The following NBEA variants were observed in gnomAD, a reference collection of about 807,000 sequenced individuals.
NBEA encodes the protein lysosomal-trafficking regulator 2.
Under a neutral mutation model 343.4 loss-of-function variants are expected in NBEA, and 44 were observed. The observed-to-expected ratio is 0.13, with a 90% CI of 0.10 to 0.16. The LOEUF is 0.16. Among genes scored for constraint, NBEA ranks in the 10% least tolerant of loss-of-function variants. The pLI is 1.00. For synonymous variants in NBEA, 1,175 were observed against 1,238.7 expected, an observed-to-expected ratio of 0.95 and a Z score of 1.08; for missense variants, 2,555 against 3,631.3, an observed-to-expected ratio of 0.70 and a Z score of 7.62.
At chr13:35,139,057 CTTTT>C (rs36053692) in intron 17 of NBEA, among the ~76,000 whole-genome samples, 1 of 97,886 alleles carries the variant, frequency 1.0e-5, no homozygotes, top group Non-Finnish European at 1.8e-5. Flanking sequence ...CAAGAAATAT[CTTTT>C]TTTTTTTTTT....
rs1170584559 is a variant in NBEA, at chr13:35,153,036, C to CTTT, written c.2446-2721_2446-2719dup. 2.8e-4 allele frequency among the ~76,000 whole-genome samples: 34 copies of CTTT among 123,330 alleles called. 1 individual carries two copies. Among genetic ancestry groups the CTTT allele is most frequent in the African/African-American group, 6.5e-4 (22 of 33,770 alleles). The allele number at this position is 123,330 out of a possible 152,430, so 80.9% of individuals were successfully genotyped here. The stretch of plus-strand genomic sequence containing the variant: ...CTCCCTTTTTAAACTTACATAGGTT[C>CTTT]TTTTTTTTTTTTTTTTTTTGAGACA... On this transcript the variant is annotated intron_variant, in intron 18 of 58. Coordinates refer to ENST00000379939, the MANE Select transcript of NBEA (RefSeq NM_001385012.1).
chr13:34,981,952 C>T (rs1258949968), intron 1 of NBEA, among the ~76,000 whole-genome samples: 2 of 150,108 alleles, frequency 1.3e-5, no homozygotes, highest in African/African-American at 4.9e-5. Context: ...TATGTTCTCT[C>T]TTCTCTCTCT....
chr13:35,464,147 T>A (rs1280769089), intron 40 of NBEA, among the ~76,000 whole-genome samples: 1 of 152,204 alleles, frequency 6.6e-6, no homozygotes, highest in African/African-American at 2.4e-5. Flanking sequence ...TATTTAACCA[T>A]CTTCTCGGGA....
At chr13:35,291,360 G>C (rs867371417) in intron 35 of NBEA, among the ~76,000 whole-genome samples, 55 of 151,790 alleles carry the variant, frequency 3.6e-4, no homozygotes, top group African/African-American at 1.3e-3. Context: ...TAAAACATCA[G>C]CAAAACTGAA....
chr13:35,658,159 T>G (rs1445780381), intron 55 of NBEA, among the ~76,000 whole-genome samples: 1 of 152,130 alleles, frequency 6.6e-6, no homozygotes, highest in African/African-American at 2.4e-5. Flanking sequence ...GATATTATAT[T>G]TGTTAAAAAG....
intron 34 of NBEA, among the ~76,000 whole-genome samples, chr13:35,266,915 G>A (rs2033731384): frequency 6.6e-6 from 1 of 151,770 alleles, no homozygotes; most frequent in Non-Finnish European, 1.5e-5. Flanking sequence ...TTGACAGGAA[G>A]CCTTATTGAT....
chr13:35,020,332 C>T (rs1426888079), intron 1 of NBEA, among the ~76,000 whole-genome samples: 1 of 151,964 alleles, frequency 6.6e-6, no homozygotes, highest in African/African-American at 2.4e-5. Flanking sequence ...TTTAATTCTA[C>T]CGTGATCAGA....
chr13:35,475,453 G>A (rs763619013), intron 41 of NBEA: 4 of 1,612,830 alleles, frequency 2.5e-6, no homozygotes, highest in South Asian at 1.1e-5. Flanking sequence ...CAGCACCCAG[G>A]CGTCGCTCTC....
chr13:34,964,924 T>G (rs1050438975), intron 1 of NBEA, among the ~76,000 whole-genome samples: 4 of 151,986 alleles, frequency 2.6e-5, no homozygotes, highest in Admixed American at 6.6e-5. Flanking sequence ...TAGCGGTGCC[T>G]AGAGTAGAGG....
intron 38 of NBEA, among the ~76,000 whole-genome samples, chr13:35,364,388 G>A (rs556805274): frequency 2.6e-4 from 40 of 151,884 alleles, no homozygotes; most frequent in African/African-American, 8.9e-4. Flanking sequence ...AAAAGAACAA[G>A]GTAAATATTG....
intron 10 of NBEA, among the ~76,000 whole-genome samples, chr13:35,092,647 A>C (rs947883924): frequency 5.3e-5 from 8 of 152,036 alleles, no homozygotes; most frequent in African/African-American, 1.9e-4. Context: ...ATGTAAATTA[A>C]AACTATATAA....
At chr13:35,353,251 C>T (rs1262261048) in intron 38 of NBEA, among the ~76,000 whole-genome samples, 5 of 152,138 alleles carry the variant, frequency 3.3e-5, no homozygotes, top group African/African-American at 1.2e-4. Flanking sequence ...GCCTGGCCAA[C>T]ATGGTGAAAC....
chr13:35,487,677 T>C (rs2076351350), intron 41 of NBEA, among the ~76,000 whole-genome samples: 1 of 151,972 alleles, frequency 6.6e-6, no homozygotes, highest in South Asian at 2.1e-4. Context: ...CTTCCTAATA[T>C]TGAACCAAAA....
At chr13:34,997,290 G>A (rs981825868) in intron 1 of NBEA, among the ~76,000 whole-genome samples, 36 of 152,158 alleles carry the variant, frequency 2.4e-4, no homozygotes, top group African/African-American at 8.0e-4. Flanking sequence ...AGTTTAAACA[G>A]TATCCATTTG....
chr13:35,001,674 G>A (rs1482188778), intron 1 of NBEA, among the ~76,000 whole-genome samples: 1 of 152,104 alleles, frequency 6.6e-6, no homozygotes, highest in African/African-American at 2.4e-5. Flanking sequence ...CTGGGAAAGG[G>A]AGGAAGGATA....
intron 47 of NBEA, among the ~76,000 whole-genome samples, chr13:35,603,001 A>G (rs2082122980): frequency 6.6e-6 from 1 of 152,220 alleles, no homozygotes. Context: ...CTTTTTCTAT[A>G]TTTAAATTGA....
intron 38 of NBEA, among the ~76,000 whole-genome samples, chr13:35,386,755 C>T (rs1024950331): frequency 6.6e-6 from 1 of 152,066 alleles, no homozygotes; most frequent in Non-Finnish European, 1.5e-5. Flanking sequence ...TTTTCTAAAC[C>T]TCTGTTTAAA....
intron 43 of NBEA, among the ~76,000 whole-genome samples, chr13:35,554,394 T>C (rs930119105): frequency 6.6e-6 from 1 of 152,258 alleles, no homozygotes; most frequent in Non-Finnish European, 1.5e-5. Context: ...GAAAGTTTCA[T>C]AATTTGGACC....
chr13:35,079,711 A>G (rs1402822380), intron 10 of NBEA, among the ~76,000 whole-genome samples: 1 of 152,180 alleles, frequency 6.6e-6, no homozygotes, highest in Non-Finnish European at 1.5e-5. Context: ...GCTGGTTAGA[A>G]TAAAATCATT....
Sources: allele counts gnomAD v4.1 joint callset (sites outside exome capture counted in the v4.1 genomes callset), GRCh38; gene constraint gnomAD v4.1.1; transcripts MANE v1.5; gene names NCBI Gene and HGNC (gene_info 2026-07-23, HGNC 2026-07-21).